Variants in IFNG-AS1 observed in about 807,000 individuals in gnomAD.
IFNG-AS1 encodes the protein IFNG regulatory antisense RNA 1.
chr12:68,021,021 C>T (rs921894306), intron 4 of IFNG-AS1: 2 of 152,190 alleles, frequency 1.3e-5, no homozygotes, highest in East Asian at 1.9e-4. Flanking sequence ...CATACCATTT[C>T]TTCGGTGTCT....
intron 2 of IFNG-AS1, among the ~76,000 whole-genome samples, chr12:67,996,326 A>G (rs1471311045): frequency 6.6e-6 from 1 of 152,250 alleles, no homozygotes; most frequent in African/African-American, 2.4e-5. Context: ...TTATTCTGAT[A>G]CAAATGTGAA....
At chr12:67,996,891 C>G (rs997270630) in intron 2 of IFNG-AS1, among the ~76,000 whole-genome samples, 1 of 152,024 alleles carries the variant, frequency 6.6e-6, no homozygotes, top group African/African-American at 2.4e-5. Context: ...AGAAATAAAT[C>G]AAATCTCAGA....
intron 1 of IFNG-AS1, among the ~76,000 whole-genome samples, chr12:67,993,718 T>C (rs1236328480): frequency 6.6e-6 from 1 of 152,206 alleles, no homozygotes; most frequent in Non-Finnish European, 1.5e-5. Context: ...AAAAAGATAA[T>C]GTAACAAAGT....
intron 2 of IFNG-AS1, among the ~76,000 whole-genome samples, chr12:68,002,831 G>T (rs139444587): frequency 0.02 from 3,101 of 152,278 alleles, 38 homozygotes; most frequent in Non-Finnish European, 0.031. Context: ...AGGATAATCA[G>T]GACTGATGCT....
chr12:68,018,847 G>A (rs767787211), intron 3 of IFNG-AS1, among the ~76,000 whole-genome samples: 6 of 151,648 alleles, frequency 4.0e-5, no homozygotes, highest in Non-Finnish European at 8.8e-5. Context: ...TGTGCGGAAG[G>A]TCCAAACACC....
chr12:68,004,868 T>G (rs1430628233), intron 2 of IFNG-AS1, among the ~76,000 whole-genome samples: 1 of 152,194 alleles, frequency 6.6e-6, no homozygotes, highest in Non-Finnish European at 1.5e-5. Flanking sequence ...ATGCATATAC[T>G]AAAAACCTGC....
intron 3 of IFNG-AS1, among the ~76,000 whole-genome samples, chr12:68,012,457 C>T (rs965632438): frequency 2.0e-5 from 3 of 152,148 alleles, no homozygotes; most frequent in Non-Finnish European, 4.4e-5. Flanking sequence ...CTATGCTCAA[C>T]CAGGGGAATG....
intron 3 of IFNG-AS1, among the ~76,000 whole-genome samples, chr12:68,011,242 A>T (rs547115640): frequency 5.9e-4 from 90 of 152,360 alleles, no homozygotes; most frequent in African/African-American, 2.1e-3. Context: ...TCTTTGCCAC[A>T]TCAGCCCACT....
At chr12:68,003,757 A>C (rs950119461) in intron 2 of IFNG-AS1, among the ~76,000 whole-genome samples, 1 of 152,116 alleles carries the variant, frequency 6.6e-6, no homozygotes, top group African/African-American at 2.4e-5. Context: ...TACTAAAAAA[A>C]TTAGCCGGGC....
chr12:68,003,802 G>A (rs1879840178), intron 2 of IFNG-AS1, among the ~76,000 whole-genome samples: 1 of 151,772 alleles, frequency 6.6e-6, no homozygotes, highest in Admixed American at 6.6e-5. Context: ...AGCTACCCGG[G>A]AGGCTGAGGC....
intron 3 of IFNG-AS1, among the ~76,000 whole-genome samples, chr12:68,007,220 C>G (rs1165291201): frequency 6.6e-6 from 1 of 152,088 alleles, no homozygotes; most frequent in Non-Finnish European, 1.5e-5. Flanking sequence ...GGACTCCATT[C>G]ATAGGATTAT....
At chr12:67,993,241 G>T (rs540035405) in intron 1 of IFNG-AS1, among the ~76,000 whole-genome samples, 1 of 152,110 alleles carries the variant, frequency 6.6e-6, no homozygotes, top group Non-Finnish European at 1.5e-5. Context: ...ATCACCCTCT[G>T]TTTTTTACGC....
intron 3 of IFNG-AS1, among the ~76,000 whole-genome samples, chr12:68,019,690 A>G (rs929033601): frequency 2.6e-5 from 4 of 152,176 alleles, no homozygotes; most frequent in African/African-American, 9.7e-5. Context: ...GTAAACTCTA[A>G]TAAAATTCTG....
chr12:68,001,919 G>T (rs1879778480), intron 2 of IFNG-AS1, among the ~76,000 whole-genome samples: 1 of 152,168 alleles, frequency 6.6e-6, no homozygotes, highest in Non-Finnish European at 1.5e-5. Context: ...ACCTGCAAAT[G>T]AGGATAGGAA....
In IFNG-AS1 at chr12:67,991,531, T is replaced by C. The variant is rs369109718; in HGVS notation, n.51+1952T>C. On this transcript the variant is annotated intron_variant and non_coding_transcript_variant, in intron 1 of 5. Transcript: ENST00000536914. Reference sequence around the variant, plus strand: ...GAGTGCTAGAGAAAATCTTGTTTCTTGCCACCTTAATGAATGAGGATAATA... The same window carrying C: ...GAGTGCTAGAGAAAATCTTGTTTCTCGCCACCTTAATGAATGAGGATAATA... Among the ~76,000 whole-genome samples the C allele has an allele frequency of 3.9e-5, 6 of 152,340 alleles. No individual in the cohort carries two copies. The East Asian group carries it at 7.7e-4, about 20-fold the overall frequency.
chr12:68,000,853 T>G (rs1014467541), intron 2 of IFNG-AS1, among the ~76,000 whole-genome samples: 44 of 152,324 alleles, frequency 2.9e-4, no homozygotes, highest in African/African-American at 1.0e-3. Flanking sequence ...TATAAATTAA[T>G]CCTAGTTATA....
At chr12:67,991,695 G>A (rs1592817592) in intron 1 of IFNG-AS1, among the ~76,000 whole-genome samples, 1 of 152,206 alleles carries the variant, frequency 6.6e-6, no homozygotes, top group African/African-American at 2.4e-5. Context: ...CACCAGGGAG[G>A]TCTCAGTCAG....
chr12:68,013,293 AG>A lies in IFNG-AS1; in HGVS notation n.242-6567del, dbSNP rs764879546. On this transcript the variant is annotated intron_variant and non_coding_transcript_variant, in intron 3 of 5. Transcript: ENST00000536914. ...CCACTTCCTCTCAATGCATTGGTGG[AG>A]GTTGGGGCTGCAAGGTGAAGGACCA... Among the ~76,000 whole-genome samples, 4 of 152,288 alleles carry A rather than the reference AG, an allele frequency of 2.6e-5. No individual in the cohort carries two copies. In the East Asian group the frequency reaches 5.8e-4, roughly 22 times the overall value.
intron 1 of IFNG-AS1, among the ~76,000 whole-genome samples, chr12:67,991,797 T>C (rs549714031): frequency 4.6e-5 from 7 of 152,334 alleles, no homozygotes; most frequent in Non-Finnish European, 8.8e-5. Context: ...GACTTCCTAA[T>C]ACAAAACCAA....
Sources: allele counts gnomAD v4.1 joint callset (sites outside exome capture counted in the v4.1 genomes callset), GRCh38; gene constraint gnomAD v4.1.1; transcripts MANE v1.5; gene names NCBI Gene and HGNC (gene_info 2026-07-23, HGNC 2026-07-21).